TMPPE: variants seen among roughly 807,000 people sequenced by gnomAD.
TMPPE encodes transmembrane protein with metallophosphoesterase domain.
Under a neutral mutation model 22.6 loss-of-function variants are expected in TMPPE, and 16 were observed. That is an observed-to-expected ratio of 0.71 (90% CI 0.48 to 1.08). The LOEUF is 1.08. Ranked by LOEUF, TMPPE falls within the 50% of genes least tolerant of loss-of-function variation. TMPPE has a pLI of 0.00. For missense variants in TMPPE, 526 were observed against 584.3 expected (o/e 0.90, Z 1.03); for synonymous variants, 240 against 245.3 (o/e 0.98, Z 0.20).
At position 33,092,908 on chromosome 3, in the gene TMPPE, C is replaced by T; in HGVS notation, c.1288G>A (p.Ala430Thr). ...AGCCTCATGGGTATCCCGTAGTAGG[C>T]TGTGCCTGGGCTGACATACACGAAT... ...ATFVYVSPGT[A>T]YYGIPMRLGS... Residue 430 changes from alanine to threonine, a missense_variant, in exon 2 of 2, where the codon GCC becomes ACC. Ala to Thr is a moderately conservative substitution (Grantham distance 58, BLOSUM62 0). Coordinates refer to ENST00000342462, the MANE Select transcript of TMPPE (RefSeq NM_001039770.3). 6.2e-7 allele frequency: 1 copy of T among 1,614,178 alleles called. No individual in the cohort carries two copies. Among genetic ancestry groups the T allele is most frequent in the African/African-American group, 1.3e-5 (1 of 75,066 alleles).
At position 33,092,365 on chromosome 3, in the gene TMPPE, C is replaced by A; in HGVS notation, c.*469G>T. 2 of 987,954 alleles carry A rather than the reference C, an allele frequency of 2.0e-6. No individual in the cohort carries two copies. The highest frequency in any genetic ancestry group is 2.4e-6 in the Non-Finnish European group (2 of 831,714). The allele number at this position is 987,954 out of a possible 1,614,324, so 61.2% of individuals were successfully genotyped here. On this transcript the variant is annotated 3_prime_UTR_variant, in exon 2 of 2. Coordinates refer to ENST00000342462, the MANE Select transcript of TMPPE (RefSeq NM_001039770.3). ...TTGCCTGTTCTCCCAAATTACCTGG[C>A]AACACTACCCCTTCCCCAGAAAGGC...
rs1265908522 is a variant in TMPPE at position 33,092,404 on chromosome 3, T to C, written c.*430A>G. ...CCCCAGAAAGGCTCTGGATCAATGA[T>C]TCTGGAAACCACTTAAGTCCTAAAG... On this transcript the variant is annotated 3_prime_UTR_variant, in exon 2 of 2. Coordinates refer to ENST00000342462, the MANE Select transcript of TMPPE (RefSeq NM_001039770.3). The C allele has an allele frequency of 5.0e-6, 5 of 992,938 alleles. No homozygotes were observed. The African/African-American group carries it at 7.0e-5, about 14-fold the overall frequency. The allele number at this position is 992,938 out of a possible 1,614,324, so 61.5% of individuals were successfully genotyped here.
rs1329802963 is a variant in TMPPE at position 33,092,176 on chromosome 3, C to CA, written c.*657dup. On this transcript the variant is annotated 3_prime_UTR_variant, in exon 2 of 2. Transcript: ENST00000342462. ...CGTTCTTCTCCCCTGACCTTGCCCC[C>CA]AAAGGCCCAGGAGCACAGACAGTTA... The CA allele has an allele frequency of 3.0e-6, 3 of 985,670 alleles. No individual in the cohort carries two copies. The highest frequency in any genetic ancestry group is 3.5e-5 in the African/African-American group (2 of 57,258). 61.1% of individuals were successfully genotyped at this position (985,670 alleles called of 1,614,324 possible).
In TMPPE at chr3:33,093,861, T is replaced by A; in HGVS notation, c.335A>T (p.Tyr112Phe). The change falls in exon 2 of 2, where the codon TAT (tyrosine) becomes TTT (phenylalanine). Residue 112 changes from tyrosine to phenylalanine, a missense_variant. By Grantham distance (22) the Tyr-to-Phe change is conservative (BLOSUM62 3). Coordinates refer to ENST00000342462, the MANE Select transcript of TMPPE (RefSeq NM_001039770.3). This position sits in a 1 kb window ranked among gnomAD's most constrained non-coding sequence, Gnocchi z 6.0. The part of the protein sequence containing the change: ...TMFFLVAEEP[Y>F]LFSLAAYSCL... ...GGAGTAGGCCGCCAAGGAAAAGAGA[T>A]AGGGCTCTTCGGCCACTAAAAAGAA... 6.2e-7 allele frequency: 1 copy of A among 1,613,716 alleles called. No individual in the cohort carries two copies. The highest frequency in any genetic ancestry group is 8.5e-7 in the Non-Finnish European group (1 of 1,179,854).
Position 33,092,725 on chromosome 3 carries a change from G to C in TMPPE, c.*109C>G. 4 of 1,490,886 alleles carry C rather than the reference G, an allele frequency of 2.7e-6. No homozygotes were observed. Among genetic ancestry groups the C allele is most frequent in the Middle Eastern group, 2.5e-4 (1 of 3,990 alleles). 92.4% of individuals were successfully genotyped at this position (1,490,886 alleles called of 1,614,324 possible). On this transcript the variant is annotated 3_prime_UTR_variant, in exon 2 of 2. Coordinates refer to ENST00000342462, the MANE Select transcript of TMPPE (RefSeq NM_001039770.3). ...TCAGGCTTGTGACCAAGGGTGTGTA[G>C]GCAAGGATGAGTGGGCAAGGCTGGA...
chr3:33,097,082 G>A lies in TMPPE; in HGVS notation c.-472C>T. On this transcript the variant is annotated 5_prime_UTR_variant, in exon 1 of 2. Transcript: ENST00000342462. ...GGGAGGATGCGAACCAGGAACCCCG[G>A]CATGACCACCAGCCTCCCGGCTCTG... 6.2e-7 allele frequency: 1 copy of A among 1,612,532 alleles called. No homozygotes were observed. The highest frequency in any genetic ancestry group is 1.7e-5 in the Admixed American group (1 of 59,898).
chr3:33,092,518 G>T lies in TMPPE; in HGVS notation c.*316C>A. ...GCCTTTCTAGCAACCCCGAGGGGAG[G>T]TTCATCCCTGGGAGCTCTGCAGGAG... is the stretch of plus-strand genomic sequence containing the variant. On this transcript the variant is annotated 3_prime_UTR_variant, in exon 2 of 2. Coordinates refer to ENST00000342462, the MANE Select transcript of TMPPE (RefSeq NM_001039770.3). 1.8e-6 allele frequency: 2 copies of T among 1,114,708 alleles called. No homozygotes were observed. Among genetic ancestry groups the T allele is most frequent in the Non-Finnish European group, 2.2e-6 (2 of 911,292 alleles). 69.1% of individuals were successfully genotyped at this position (1,114,708 alleles called of 1,614,324 possible).
At chr3:33,095,471 G>C (rs1452104516) in intron 1 of TMPPE, among the ~76,000 whole-genome samples, 1 of 152,124 alleles carries the variant, frequency 6.6e-6, no homozygotes, top group Non-Finnish European at 1.5e-5. Context: ...TAAACAAGGA[G>C]ATAATGGAAA....
At chr3:33,096,629 G>T in intron 1 of TMPPE, 90 bp downstream of exon 1, 1 of 1,069,836 alleles carries the variant, frequency 9.3e-7, no homozygotes, top group Non-Finnish European at 1.1e-6. Flanking sequence ...GAAAGCGAGG[G>T]CGCCCCAAAC....
At chr3:33,094,403 T>A (rs1283232423) in intron 1 of TMPPE, 100 bp from the exon 2 acceptor site, 1 of 1,311,506 alleles carries the variant, frequency 7.6e-7, no homozygotes, top group East Asian at 2.7e-5. Flanking sequence ...CCACCTTGAA[T>A]CCAAGCTACT....
chr3:33,092,086 G>C lies in TMPPE; in HGVS notation c.*748C>G. 1.0e-6 allele frequency: 1 copy of C among 985,454 alleles called. No homozygotes were observed. The allele number at this position is 985,454 out of a possible 1,614,324, so 61.0% of individuals were successfully genotyped here. A position where few individuals can be genotyped will look rare whatever the true frequency, so the allele number is the denominator to read the frequency against. On this transcript the variant is annotated 3_prime_UTR_variant, in exon 2 of 2. Coordinates refer to ENST00000342462, the MANE Select transcript of TMPPE (RefSeq NM_001039770.3). Reference sequence around the variant, plus strand: ...CGAAGGGTTGTATAAAATGAGACAAGGGAGGCAAAGCCCTCTGAATTCCTA... The same window carrying C: ...CGAAGGGTTGTATAAAATGAGACAACGGAGGCAAAGCCCTCTGAATTCCTA...
Position 33,097,133 on chromosome 3 carries a change from C to G in TMPPE, c.-523G>C, listed in dbSNP as rs529551028. The G allele has an allele frequency of 1.8e-4, 296 of 1,603,926 alleles. 4 individuals are homozygous for G. The South Asian group carries it at 3.1e-3, about 17-fold the overall frequency. Reference sequence around the variant, plus strand: ...CAGTCGGCGCCCAGGCCGGCCGCTTCGCGTCACTTGACTAAGGACCCACGG... The same window carrying G: ...CAGTCGGCGCCCAGGCCGGCCGCTTGGCGTCACTTGACTAAGGACCCACGG... On this transcript the variant is annotated 5_prime_UTR_variant, in exon 1 of 2. Transcript: ENST00000342462.
rs1700887689 is a variant in TMPPE at position 33,093,961 on chromosome 3, A to C, written c.235T>G (p.Ser79Ala). 1.2e-6 allele frequency: 2 copies of C among 1,614,046 alleles called. No homozygotes were observed. Among genetic ancestry groups the C allele is most frequent in the South Asian group, 2.2e-5 (2 of 91,080 alleles). Residue 79 changes from serine (S) to alanine (A), a missense_variant, in exon 2 of 2, where the codon TCA (serine) becomes GCA (alanine). Ser to Ala is a moderately conservative substitution (Grantham distance 99, BLOSUM62 1). Transcript: ENST00000342462. This position sits in a 1 kb window ranked among gnomAD's most constrained non-coding sequence, Gnocchi z 6.0. ...ACCTTCCAAAGCTGAAAACAGGTTG[A>C]CTCTGCAGCTGGGGAGTGGCAGAGG... The part of the protein sequence containing the change: ...SNLCHSPAAE[S>A]TCFQLWKVVV...
In TMPPE at chr3:33,092,505, A is replaced by AC. The variant is rs1203086270; in HGVS notation, c.*328dup. On this transcript the variant is annotated 3_prime_UTR_variant, in exon 2 of 2. Coordinates refer to ENST00000342462, the MANE Select transcript of TMPPE (RefSeq NM_001039770.3). The stretch of plus-strand genomic sequence containing the variant: ...CTTCTAGAGGTATGCCTTTCTAGCA[A>AC]CCCCGAGGGGAGGTTCATCCCTGGG... The AC allele has an allele frequency of 7.4e-6, 8 of 1,084,636 alleles. No homozygotes were observed. The highest frequency in any genetic ancestry group is 9.0e-6 in the Non-Finnish European group (8 of 892,394). 67.2% of individuals were successfully genotyped at this position (1,084,636 alleles called of 1,614,324 possible).
Position 33,096,760 on chromosome 3 carries a change from G to T in TMPPE, c.-150C>A, listed in dbSNP as rs766979996. 6.2e-5 allele frequency: 82 copies of T among 1,317,506 alleles called. No individual in the cohort carries two copies. Among genetic ancestry groups the T allele is most frequent in the Non-Finnish European group, 7.7e-5 (80 of 1,037,632 alleles). 81.6% of individuals were successfully genotyped at this position (1,317,506 alleles called of 1,614,324 possible). A position where few individuals can be genotyped will look rare whatever the true frequency, so the allele number is the denominator to read the frequency against. On this transcript the variant is annotated 5_prime_UTR_variant, in exon 1 of 2. Coordinates refer to ENST00000342462, the MANE Select transcript of TMPPE (RefSeq NM_001039770.3). ...GTTACAGATGGGGAAGTGGATCCAA[G>T]CGCAAAGGGCGGCCGGAGCGGAACG...
chr3:33,095,310 G>A (rs1024649600), intron 1 of TMPPE, among the ~76,000 whole-genome samples: 1 of 151,334 alleles, frequency 6.6e-6, no homozygotes, highest in African/African-American at 2.4e-5. Context: ...GAGGTCAGGA[G>A]ATCGAGACCA....
At position 33,093,579 on chromosome 3, in the gene TMPPE, T is replaced by C. The variant is rs140369620; in HGVS notation, c.617A>G (p.Asn206Ser). The C allele has an allele frequency of 8.0e-5, 129 of 1,614,128 alleles. No homozygotes were observed. Among genetic ancestry groups the C allele is most frequent in the Admixed American group, 1.7e-4 (10 of 60,016 alleles). Residue 206 changes from asparagine (N) to serine (S), a missense_variant, in exon 2 of 2, where the codon AAC (asparagine) becomes AGC (serine). Transcript: ENST00000342462. This position sits in a 1 kb window ranked among gnomAD's most constrained non-coding sequence, Gnocchi z 6.0. ...GTCTGAGAGGAGCACGATCTTGAGG[T>C]TGTTCATTGAGGCAGGCAGCTGATG... ...PIHQLPASMN[N>S]LKIVLLSDIH...
chr3:33,095,648 T>G (rs1700992212), intron 1 of TMPPE, among the ~76,000 whole-genome samples: 1 of 152,168 alleles, frequency 6.6e-6, no homozygotes, highest in Non-Finnish European at 1.5e-5. Flanking sequence ...ACAAGACTGA[T>G]GAGCTCACAT....
At position 33,092,562 on chromosome 3, in the gene TMPPE, C is replaced by T; in HGVS notation, c.*272G>A. ...GCAGGAGAAGGTCCCCATTCCACAT[C>T]ATCTGGAAAATAGAGGGGAGTGCTA... On this transcript the variant is annotated 3_prime_UTR_variant, in exon 2 of 2. Transcript: ENST00000342462. The T allele has an allele frequency of 8.3e-7, 1 of 1,210,790 alleles. No homozygotes were observed. The highest frequency in any genetic ancestry group is 1.0e-6 in the Non-Finnish European group (1 of 971,260). 75.0% of individuals were successfully genotyped at this position (1,210,790 alleles called of 1,614,324 possible).
Sources: allele counts gnomAD v4.1 joint callset (sites outside exome capture counted in the v4.1 genomes callset), GRCh38; gene constraint gnomAD v4.1.1; non-coding constraint Gnocchi (gnomAD v3.1); transcripts MANE v1.5; gene names NCBI Gene and HGNC (gene_info 2026-07-23, HGNC 2026-07-21).